TTC28: variants seen among roughly 807,000 people sequenced by gnomAD.
TTC28 encodes the protein tetratricopeptide repeat domain 28.
A neutral mutation model predicts 198.0 loss-of-function variants in TTC28; 61 were observed. The ratio of observed to expected loss-of-function variants is 0.31; its 90% CI spans 0.25 to 0.38. The LOEUF is 0.38. Ranked by LOEUF, TTC28 falls within the 10% of genes least tolerant of loss-of-function variation. TTC28 has a pLI of 1.00. For synonymous variants in TTC28, 1,171 were observed against 1,297.8 expected (o/e 0.90, Z 2.10); for missense variants, 2,678 against 3,164.0 (o/e 0.85, Z 3.69).
chr22:28,315,706 C>A (rs1370348764), intron 2 of TTC28, among the ~76,000 whole-genome samples: 1 of 152,138 alleles, frequency 6.6e-6, no homozygotes, highest in African/African-American at 2.4e-5. Flanking sequence ...TTGTGTGGGT[C>A]TATTCCTAGA....
chr22:28,604,099 G>A (rs910803901), intron 2 of TTC28, among the ~76,000 whole-genome samples: 37 of 151,456 alleles, frequency 2.4e-4, no homozygotes, highest in African/African-American at 8.2e-4. Context: ...CCAACGTGGC[G>A]AAACCCCATC....
chr22:27,998,866 C>T lies in TTC28; in HGVS notation c.4793G>A (p.Cys1598Tyr), dbSNP rs1041914709. 1.3e-6 allele frequency: 2 copies of T among 1,549,996 alleles called. No homozygotes were observed. Among genetic ancestry groups the T allele is most frequent in the Non-Finnish European group, 1.7e-6 (2 of 1,146,982 alleles). Residue 1598 changes from cysteine (C) to tyrosine (Y), a missense_variant, in exon 16 of 23, where the codon TGC (cysteine) becomes TAC (tyrosine). Physicochemically the swap from Cys to Tyr is radical, Grantham distance 194. Around this residue, in one of 8 missense-constraint regions of TTC28, gnomAD observed 727 missense variants for 861.9 expected, o/e 0.84. Coordinates refer to ENST00000397906, the MANE Select transcript of TTC28 (RefSeq NM_001145418.2). ...DASDGESISD[C>Y]PPLQELLLTA... ...AAGCAGCAGCTCCTGCAGGGGCGGG[C>T]AGTCCGAGATGCTCTCCCCATCACT... is the stretch of plus-strand genomic sequence containing the variant.
At chr22:28,207,224 G>GAAA (rs71194756) in intron 5 of TTC28, among the ~76,000 whole-genome samples, 1 of 125,580 alleles carries the variant, frequency 8.0e-6, no homozygotes, top group African/African-American at 2.8e-5. Flanking sequence ...TAAGCAGATG[G>GAAA]AAAAAAAAAA....
chr22:28,029,515 A>G (rs924293935), intron 13 of TTC28, among the ~76,000 whole-genome samples: 11 of 152,204 alleles, frequency 7.2e-5, no homozygotes, highest in African/African-American at 2.4e-4. Flanking sequence ...AAAGAGGTCT[A>G]TCAAAATGTA....
chr22:28,503,697 T>C (rs2048566450), intron 2 of TTC28, among the ~76,000 whole-genome samples: 2 of 152,198 alleles, frequency 1.3e-5, no homozygotes, highest in Admixed American at 1.3e-4. Context: ...TTAATAGTAT[T>C]AGCTAAGAAC....
chr22:28,247,946 A>C lies in TTC28; in HGVS notation c.933+48252T>G, dbSNP rs562745164. ...TCAGATTTGCATTTTTAATACAAAA[A>C]AAATCCCTTTTAGAAGCAGCTAGTA... On this transcript the variant is annotated intron_variant, in intron 5 of 22. Coordinates refer to ENST00000397906, the MANE Select transcript of TTC28 (RefSeq NM_001145418.2). Among the ~76,000 whole-genome samples, 4 of 152,334 alleles carry C rather than the reference A, an allele frequency of 2.6e-5. No homozygotes were observed. The East Asian group carries it at 7.7e-4, about 29-fold the overall frequency.
At chr22:28,145,141 G>T (rs542673272) in intron 6 of TTC28, among the ~76,000 whole-genome samples, 2 of 152,204 alleles carry the variant, frequency 1.3e-5, no homozygotes, top group Middle Eastern at 3.4e-3. Flanking sequence ...AACAAATACC[G>T]ACACTAACTT....
intron 6 of TTC28, among the ~76,000 whole-genome samples, chr22:28,151,422 C>T (rs5762498): frequency 0.037 from 5,674 of 152,288 alleles, 193 homozygotes; most frequent in East Asian, 0.13. Context: ...TCTCTTGCAA[C>T]AGTCCAAAGT....
At chr22:28,206,545 T>C (rs1396041550) in intron 5 of TTC28, among the ~76,000 whole-genome samples, 2 of 152,194 alleles carry the variant, frequency 1.3e-5, no homozygotes, top group Non-Finnish European at 2.9e-5. Flanking sequence ...AAGGAAAGGT[T>C]AGCCTACTTT....
chr22:28,292,297 C>G (rs901177033), intron 5 of TTC28, among the ~76,000 whole-genome samples: 3 of 152,190 alleles, frequency 2.0e-5, no homozygotes, highest in African/African-American at 7.2e-5. Context: ...AAGCAATCCT[C>G]TCACCTCAGC....
chr22:28,566,830 T>C (rs1318030494), intron 2 of TTC28, among the ~76,000 whole-genome samples: 3 of 152,034 alleles, frequency 2.0e-5, no homozygotes, highest in African/African-American at 7.2e-5. Context: ...ACACCTATAA[T>C]ACCAGCACTT....
At chr22:28,363,138 C>T (rs140725543) in intron 2 of TTC28, among the ~76,000 whole-genome samples, 1 of 152,278 alleles carries the variant, frequency 6.6e-6, no homozygotes, top group East Asian at 1.9e-4. Context: ...CCTCCCATCA[C>T]AGGCCTGAAG....
At chr22:28,191,378 G>C (rs1226971975) in intron 5 of TTC28, among the ~76,000 whole-genome samples, 1 of 152,244 alleles carries the variant, frequency 6.6e-6, no homozygotes, top group Non-Finnish European at 1.5e-5. Flanking sequence ...CAGAAGACGG[G>C]TGATTTCTGC....
chr22:28,011,904 G>A (rs1320320734), intron 14 of TTC28, among the ~76,000 whole-genome samples: 3 of 152,132 alleles, frequency 2.0e-5, no homozygotes, highest in African/African-American at 7.2e-5. Flanking sequence ...TCCCCTCCCG[G>A]TCCCCAAACA....
At chr22:28,493,975 C>T in intron 2 of TTC28, among the ~76,000 whole-genome samples, 1 of 152,126 alleles carries the variant, frequency 6.6e-6, no homozygotes, top group Non-Finnish European at 1.5e-5. Flanking sequence ...GATTCTGAGT[C>T]AAACAAACAC....
At chr22:28,430,068 A>G (rs1200663203) in intron 2 of TTC28, among the ~76,000 whole-genome samples, 1 of 138,830 alleles carries the variant, frequency 7.2e-6, no homozygotes, top group Admixed American at 7.6e-5. Flanking sequence ...TTTAGTGAAG[A>G]CTGCATTTAG....
chr22:28,524,816 AT>A (rs1339103311), intron 2 of TTC28, among the ~76,000 whole-genome samples: 1 of 152,200 alleles, frequency 6.6e-6, no homozygotes, highest in Non-Finnish European at 1.5e-5. Flanking sequence ...GGTGATGAAA[AT>A]ATAAATTCAT....
At chr22:28,651,276 G>A (rs1203880611) in intron 1 of TTC28, among the ~76,000 whole-genome samples, 1 of 151,118 alleles carries the variant, frequency 6.6e-6, no homozygotes, top group Non-Finnish European at 1.5e-5. Flanking sequence ...TGGGATTACA[G>A]GCGTGAGCCA....
chr22:28,310,865 C>T (rs2045243992), intron 2 of TTC28, among the ~76,000 whole-genome samples: 1 of 151,784 alleles, frequency 6.6e-6, no homozygotes. Context: ...CTGCAACCTC[C>T]ACCTCCCCAG....
Sources: gnomAD v4.1 joint callset for allele counts (sites outside exome capture counted in the v4.1 genomes callset) on GRCh38, gnomAD v4.1.1 for gene constraint, gnomAD v4.1.1 regional missense constraint, MANE v1.5 for transcripts, NCBI Gene and HGNC (gene_info 2026-07-23, HGNC 2026-07-21) for gene names.